SLC25A26: variants seen among roughly 807,000 people sequenced by gnomAD.
SLC25A26 encodes solute carrier family 25 member 26.
SLC25A26 carries 36 observed loss-of-function variants against 37.8 expected under a neutral mutation model. That is an observed-to-expected ratio of 0.95 (90% CI 0.73 to 1.26). The LOEUF (loss-of-function observed/expected upper bound fraction) is 1.26. Among genes scored for constraint, SLC25A26 ranks in the 50% most tolerant of loss-of-function variants. The pLI, the probability that SLC25A26 is intolerant of heterozygous loss-of-function variation, is 0.00. For missense variants in SLC25A26, 390 were observed against 331.1 expected, an observed-to-expected ratio of 1.18 and a Z score of -1.38; for synonymous variants, 129 against 122.5, an observed-to-expected ratio of 1.05 and a Z score of -0.35.
At chr3:66,296,397 A>T (rs989207805) in intron 5 of SLC25A26, among the ~76,000 whole-genome samples, 2 of 152,176 alleles carry the variant, frequency 1.3e-5, no homozygotes, top group African/African-American at 2.4e-5. Context: ...AAGTTATTTT[A>T]TTTTCCTGAT....
At chr3:66,320,521 A>G (rs1275142621) in intron 5 of SLC25A26, among the ~76,000 whole-genome samples, 1 of 152,164 alleles carries the variant, frequency 6.6e-6, no homozygotes, top group African/African-American at 2.4e-5. Context: ...TCTTTTGGCT[A>G]TTGTGAATAA....
intron 1 of SLC25A26, among the ~76,000 whole-genome samples, chr3:66,158,670 G>A (rs961885628): frequency 1.3e-5 from 2 of 152,144 alleles, no homozygotes; most frequent in African/African-American, 4.8e-5. Flanking sequence ...TGAGTTCATA[G>A]ATTGTTATAC....
chr3:66,162,428 G>A (rs2070372952), intron 1 of SLC25A26, among the ~76,000 whole-genome samples: 2 of 151,076 alleles, frequency 1.3e-5, no homozygotes, highest in African/African-American at 4.9e-5. Flanking sequence ...TCTAAGCTGG[G>A]GCATCGAAAA....
intron 5 of SLC25A26, among the ~76,000 whole-genome samples, chr3:66,342,075 C>G (rs561057923): frequency 3.3e-5 from 5 of 152,174 alleles, no homozygotes; most frequent in African/African-American, 1.2e-4. Context: ...ATGGAAAACT[C>G]TAAACCACTA....
intron 6 of SLC25A26, among the ~76,000 whole-genome samples, chr3:66,355,188 T>C (rs985888839): frequency 6.6e-6 from 1 of 152,202 alleles, no homozygotes; most frequent in Non-Finnish European, 1.5e-5. Flanking sequence ...ATCTTGCTTT[T>C]GCTTAAGAAT....
At chr3:66,177,769 C>T (rs1261252754) in intron 1 of SLC25A26, among the ~76,000 whole-genome samples, 1 of 152,206 alleles carries the variant, frequency 6.6e-6, no homozygotes, top group Admixed American at 6.5e-5. Context: ...GGAGTCAACA[C>T]TTTACCGTAA....
chr3:66,365,917 G>A (rs1575614681), intron 7 of SLC25A26, among the ~76,000 whole-genome samples: 2 of 152,192 alleles, frequency 1.3e-5, no homozygotes, highest in African/African-American at 2.4e-5. Flanking sequence ...GGGTGGGTTC[G>A]GGCACTTCCC....
chr3:66,157,523 T>A (rs572518322), intron 1 of SLC25A26, among the ~76,000 whole-genome samples: 2 of 152,240 alleles, frequency 1.3e-5, no homozygotes, highest in Non-Finnish European at 2.9e-5. Flanking sequence ...ATTTTACAAG[T>A]GAAGAAATCA....
chr3:66,344,392 G>A (rs376077645), intron 5 of SLC25A26, among the ~76,000 whole-genome samples: 120 of 152,088 alleles, frequency 7.9e-4, no homozygotes, highest in African/African-American at 2.8e-3. Flanking sequence ...GAGCCCAGGA[G>A]ATGGAGGTTG....
At chr3:66,247,668 C>T (rs1253219906) in intron 3 of SLC25A26, among the ~76,000 whole-genome samples, 3 of 152,094 alleles carry the variant, frequency 2.0e-5, no homozygotes, top group African/African-American at 7.2e-5. Flanking sequence ...GAGAAGTTTG[C>T]CAAATTTATG....
intron 1 of SLC25A26, among the ~76,000 whole-genome samples, chr3:66,175,606 G>A (rs2070573817): frequency 6.6e-6 from 1 of 152,170 alleles, no homozygotes; most frequent in Non-Finnish European, 1.5e-5. Flanking sequence ...TCAGCAAGCT[G>A]GAGAATTAGG....
At chr3:66,334,414 C>T (rs570248866) in intron 5 of SLC25A26, among the ~76,000 whole-genome samples, 3 of 152,118 alleles carry the variant, frequency 2.0e-5, no homozygotes, top group African/African-American at 7.2e-5. Context: ...TCCTGGGTTC[C>T]AGTGACTCTT....
upstream of SLC25A26, chr3:66,220,897 C>T: frequency 3.2e-6 from 2 of 632,672 alleles, no homozygotes; most frequent in Non-Finnish European, 5.5e-6. Flanking sequence ...CCACACTCCC[C>T]GAGGCCCCGC....
intron 3 of SLC25A26, among the ~76,000 whole-genome samples, chr3:66,245,877 T>C (rs1275028885): frequency 6.6e-6 from 1 of 152,178 alleles, no homozygotes; most frequent in East Asian, 1.9e-4. Flanking sequence ...GTTTACACCA[T>C]ATTCACAGAG....
At chr3:66,287,048 G>A (rs1366199243) in intron 5 of SLC25A26, among the ~76,000 whole-genome samples, 1 of 152,146 alleles carries the variant, frequency 6.6e-6, no homozygotes, top group Non-Finnish European at 1.5e-5. Context: ...TGCAATCCCA[G>A]TGCTTTGAGA....
chr3:66,272,400 T>C (rs2073989057), intron 5 of SLC25A26, among the ~76,000 whole-genome samples: 1 of 152,172 alleles, frequency 6.6e-6, no homozygotes, highest in African/African-American at 2.4e-5. Flanking sequence ...TCTGTAGTCT[T>C]TAAGCCTTTA....
chr3:66,201,851 G>A (rs1026672724), intron 1 of SLC25A26, among the ~76,000 whole-genome samples: 8 of 152,158 alleles, frequency 5.3e-5, no homozygotes, highest in Non-Finnish European at 8.8e-5. Context: ...GCAAGACAGA[G>A]AGTTTCACGA....
intron 5 of SLC25A26, among the ~76,000 whole-genome samples, chr3:66,327,170 C>A (rs535812274): frequency 6.6e-6 from 1 of 152,254 alleles, no homozygotes; most frequent in Non-Finnish European, 1.5e-5. Flanking sequence ...GCTCAATTTC[C>A]CTCCTCACAA....
intron 1 of SLC25A26, among the ~76,000 whole-genome samples, chr3:66,174,337 C>T (rs1297210479): frequency 1.4e-4 from 21 of 152,188 alleles, no homozygotes; most frequent in Admixed American, 1.4e-3. Context: ...TTTATATGCA[C>T]ATTTCCATTT....
Sources: gnomAD v4.1 joint callset for allele counts (sites outside exome capture counted in the v4.1 genomes callset) on GRCh38, gnomAD v4.1.1 for gene constraint, MANE v1.5 for transcripts, NCBI Gene and HGNC (gene_info 2026-07-23, HGNC 2026-07-21) for gene names.